Variants in GSE1 observed in about 807,000 individuals in gnomAD.
GSE1 encodes Gse1 coiled-coil protein, also known as genetic suppressor element 1.
A neutral mutation model predicts 112.6 loss-of-function variants in GSE1; 32 were observed. The observed-to-expected ratio is 0.28, with a 90% CI of 0.21 to 0.38. The LOEUF is 0.38. Ranked by LOEUF, GSE1 falls within the 10% of genes least tolerant of loss-of-function variation. GSE1 has a pLI of 1.00. For missense variants in GSE1, 2,348 were observed against 1,699.2 expected (o/e 1.38, Z -6.71); for synonymous variants, 1,115 against 735.6 (o/e 1.52, Z -8.35).
chr16:85,571,967 C>G (rs1298547949), intron 1 of GSE1, among the ~76,000 whole-genome samples: 1 of 152,022 alleles, frequency 6.6e-6, no homozygotes, highest in African/African-American at 2.4e-5. Context: ...GATGTGGGGA[C>G]CAGGTGGACC....
chr16:85,480,179 A>G (rs1162819307), intron 2 of GSE1, among the ~76,000 whole-genome samples: 1 of 152,252 alleles, frequency 6.6e-6, no homozygotes, highest in Non-Finnish European at 1.5e-5. Flanking sequence ...ATCGGCCTCA[A>G]GGGCCCCAGC....
intron 1 of GSE1, among the ~76,000 whole-genome samples, chr16:85,355,606 A>T (rs2046935740): frequency 1.3e-5 from 2 of 152,194 alleles, no homozygotes; most frequent in Non-Finnish European, 2.9e-5. Flanking sequence ...GGATGATGAG[A>T]AAGTTCTAGA....
chr16:85,367,955 T>G (rs2047219038), intron 2 of GSE1, among the ~76,000 whole-genome samples: 1 of 151,390 alleles, frequency 6.6e-6, no homozygotes, highest in Admixed American at 6.6e-5. Flanking sequence ...GTTCAAGTGA[T>G]TCTCCTGCCT....
intron 1 of GSE1, among the ~76,000 whole-genome samples, chr16:85,629,002 G>A (rs952385623): frequency 9.9e-5 from 15 of 152,140 alleles, no homozygotes; most frequent in South Asian, 8.3e-4. Context: ...GGTTATCACC[G>A]TCACCTTAGT....
rs1555535357 is a variant in GSE1 at position 85,572,464 on chromosome 16, A to AC, written c.37+16101_37+16102insC. 2.2e-3 allele frequency among the ~76,000 whole-genome samples: 329 copies of AC among 148,178 alleles called. 3 individuals carry two copies. Among genetic ancestry groups the AC allele is most frequent in the African/African-American group, 8.0e-3 (317 of 39,810 alleles). ...AACACACAGCACATACCACACACAC[A>AC]ACACACATCACACACACCACATGCA... On this transcript the variant is annotated intron_variant, in intron 1 of 2. Transcript: ENST00000635906.
intron 2 of GSE1, among the ~76,000 whole-genome samples, chr16:85,401,419 C>T (rs778419326): frequency 6.3e-4 from 96 of 152,218 alleles, no homozygotes; most frequent in Middle Eastern, 3.4e-3. Flanking sequence ...GCTGCCCCAG[C>T]GGGACCGGAG....
In GSE1 at chr16:85,386,517, G is replaced by A. The variant is rs12598698; in HGVS notation, c.2464+28874G>A. Among the ~76,000 whole-genome samples, 56 of 152,354 alleles carry A rather than the reference G, an allele frequency of 3.7e-4. No homozygotes were observed. In the East Asian group the frequency reaches 9.5e-3, roughly 26 times the overall value. On this transcript the variant is annotated intron_variant, in intron 2 of 2. Coordinates refer to the GSE1 transcript ENST00000637419. ...TTGGGCACCTACTGCCTCAGAAGCG[G>A]TGTCTGTGGTTATTGTCATCCTTCT...
chr16:85,411,099 T>G (rs71389117), intron 2 of GSE1, among the ~76,000 whole-genome samples: 16 of 38,976 alleles, frequency 4.1e-4, no homozygotes, highest in African/African-American at 1.8e-3. Flanking sequence ...TAATCCTCAC[T>G]GTTACACTCA....
chr16:85,545,220 G>A (rs544806689), intron 2 of GSE1, among the ~76,000 whole-genome samples: 4 of 152,328 alleles, frequency 2.6e-5, no homozygotes, highest in Admixed American at 2.6e-4. Flanking sequence ...GTCGCTGTCT[G>A]ATTTCTCTGG....
At chr16:85,264,703 C>T (rs772726068) in intron 1 of GSE1, among the ~76,000 whole-genome samples, 4 of 152,174 alleles carry the variant, frequency 2.6e-5, no homozygotes, top group South Asian at 4.1e-4. Context: ...TCTCCCTGCT[C>T]GACTTCCCAG....
intron 1 of GSE1, among the ~76,000 whole-genome samples, chr16:85,305,509 C>G (rs1340555017): frequency 1.3e-5 from 2 of 151,548 alleles, no homozygotes; most frequent in Non-Finnish European, 2.9e-5. Context: ...GAGACGGAGT[C>G]TTGCTCTGTC....
intron 1 of GSE1, among the ~76,000 whole-genome samples, chr16:85,182,369 G>C (rs1404354716): frequency 6.6e-6 from 1 of 152,196 alleles, no homozygotes; most frequent in African/African-American, 2.4e-5. Flanking sequence ...CTCGGGCCTG[G>C]CCTTCAGGTG....
intron 3 of GSE1, among the ~76,000 whole-genome samples, chr16:85,649,347 C>G (rs972484983): frequency 1.3e-5 from 2 of 152,234 alleles, no homozygotes; most frequent in African/African-American, 2.4e-5. Flanking sequence ...ACCCGGCACA[C>G]TAGCTGTGAC....
intron 1 of GSE1, among the ~76,000 whole-genome samples, chr16:85,624,433 G>A (rs1441733710): frequency 6.6e-6 from 1 of 152,178 alleles, no homozygotes; most frequent in Non-Finnish European, 1.5e-5. Flanking sequence ...GGGAGGCCTC[G>A]AGTCCAGAGC....
At chr16:85,355,895 C>T (rs1395137917) in intron 1 of GSE1, among the ~76,000 whole-genome samples, 4 of 152,100 alleles carry the variant, frequency 2.6e-5, no homozygotes, top group East Asian at 1.9e-4. Flanking sequence ...GGCATGGGGG[C>T]GGGCACCTGT....
chr16:85,233,616 A>ATG (rs990130488), intron 1 of GSE1, among the ~76,000 whole-genome samples: 12 of 151,986 alleles, frequency 7.9e-5, no homozygotes, highest in South Asian at 2.1e-4. Context: ...TGGCCTCTGC[A>ATG]TGTGTGTGTG....
chr16:85,619,000 C>G (rs72801185), intron 1 of GSE1, among the ~76,000 whole-genome samples: 3 of 152,366 alleles, frequency 2.0e-5, no homozygotes, highest in Non-Finnish European at 4.4e-5. Flanking sequence ...CTCTGTTCCC[C>G]TACGCTCAAC....
chr16:85,342,241 T>C (rs914862826), intron 1 of GSE1, among the ~76,000 whole-genome samples: 1 of 152,180 alleles, frequency 6.6e-6, no homozygotes, highest in African/African-American at 2.4e-5. Flanking sequence ...CATCCGGACG[T>C]GTATTTTTAA....
intron 2 of GSE1, among the ~76,000 whole-genome samples, chr16:85,479,815 G>A (rs1303917669): frequency 6.6e-6 from 1 of 152,168 alleles, no homozygotes; most frequent in African/African-American, 2.4e-5. Flanking sequence ...AGAAGCCCAA[G>A]CAGCTCTGCA....
Sources: gnomAD v4.1 joint callset for allele counts (sites outside exome capture counted in the v4.1 genomes callset) on GRCh38, gnomAD v4.1.1 for gene constraint, MANE v1.5 for transcripts, NCBI Gene and HGNC (gene_info 2026-07-23, HGNC 2026-07-21) for gene names.